NTRK2: variants seen among roughly 807,000 people sequenced by gnomAD.
NTRK2 encodes the protein neurotrophic receptor tyrosine kinase 2, also known as BDNF/NT-3 growth factors receptor.
A neutral mutation model predicts 94.5 loss-of-function variants in NTRK2; 13 were observed. That is an observed-to-expected ratio of 0.14 (90% CI 0.09 to 0.22). The LOEUF (loss-of-function observed/expected upper bound fraction) is 0.22, where lower values mean the gene tolerates loss of function less well. NTRK2 is among the 10% of genes least tolerant of loss of function. NTRK2 has a pLI of 1.00. For missense variants in NTRK2, 639 were observed against 1,071.2 expected (o/e 0.60, Z 5.63); for synonymous variants, 372 against 407.4 (o/e 0.91, Z 1.05).
chr9:84,705,451 G>A (rs2060988806), intron 4 of NTRK2, among the ~76,000 whole-genome samples: 2 of 152,024 alleles, frequency 1.3e-5, no homozygotes, highest in Non-Finnish European at 2.9e-5. Context: ...TTTGGCTTTT[G>A]GCCCCAATAA....
intron 14 of NTRK2, among the ~76,000 whole-genome samples, chr9:84,897,497 T>C (rs11791891): frequency 0.062 from 9,441 of 152,264 alleles, 336 homozygotes; most frequent in Admixed American, 0.097. Context: ...GTGGTGTTGC[T>C]GTGACATTTT....
chr9:84,725,969 T>C (rs1484637175), intron 8 of NTRK2, among the ~76,000 whole-genome samples: 1 of 152,184 alleles, frequency 6.6e-6, no homozygotes, highest in Non-Finnish European at 1.5e-5. Flanking sequence ...GAAAGTGAAT[T>C]GGGTCCTTTT....
chr9:84,814,936 G>A (rs2072227754), intron 12 of NTRK2: 1 of 1,059,984 alleles, frequency 9.4e-7, no homozygotes, highest in East Asian at 5.1e-5. Context: ...TCACATGCCT[G>A]TAGTACCTGC....
intron 17 of NTRK2, among the ~76,000 whole-genome samples, chr9:84,956,958 T>TG (rs1036480293): frequency 1.8e-4 from 27 of 152,098 alleles, no homozygotes; most frequent in Admixed American, 7.9e-4. Flanking sequence ...TTGCAGGAGA[T>TG]GGGGGCACAC....
At chr9:84,836,230 CA>C in intron 12 of NTRK2, among the ~76,000 whole-genome samples, 1 of 152,080 alleles carries the variant, frequency 6.6e-6, no homozygotes, top group East Asian at 1.9e-4. Context: ...TGATATGGGG[CA>C]AAAAAATCAC....
chr9:84,834,651 G>A (rs189483329), intron 12 of NTRK2, among the ~76,000 whole-genome samples: 13 of 152,052 alleles, frequency 8.5e-5, no homozygotes, highest in African/African-American at 2.2e-4. Context: ...TTCCTGGCTC[G>A]GGTTACTACC....
intron 17 of NTRK2, among the ~76,000 whole-genome samples, chr9:84,982,820 A>T (rs975673508): frequency 6.6e-6 from 1 of 152,218 alleles, no homozygotes; most frequent in Non-Finnish European, 1.5e-5. Flanking sequence ...CAAAGATATG[A>T]TATATCCCAA....
At chr9:84,918,661 A>G (rs2077469375) in intron 14 of NTRK2, among the ~76,000 whole-genome samples, 1 of 152,236 alleles carries the variant, frequency 6.6e-6, no homozygotes, top group Non-Finnish European at 1.5e-5. Context: ...ATTTGGCAGC[A>G]TGGTTAAGGG....
chr9:84,991,951 C>A (rs941771123), intron 17 of NTRK2, among the ~76,000 whole-genome samples: 1 of 152,068 alleles, frequency 6.6e-6, no homozygotes, highest in African/African-American at 2.4e-5. Flanking sequence ...GCTGCCACCC[C>A]ACAACCAGTG....
intron 12 of NTRK2, among the ~76,000 whole-genome samples, chr9:84,828,957 T>G (rs529046790): frequency 6.6e-6 from 1 of 152,086 alleles, no homozygotes; most frequent in African/African-American, 2.4e-5. Context: ...GTTTTGTTTT[T>G]TTTTTAAAGA....
chr9:84,782,192 C>G (rs1293863307), intron 12 of NTRK2, among the ~76,000 whole-genome samples: 1 of 152,108 alleles, frequency 6.6e-6, no homozygotes, highest in Non-Finnish European at 1.5e-5. Context: ...ATCTCTGGTT[C>G]CATAGGGAAT....
At chr9:84,935,625 A>AGAGAGAG (rs1455358937) in intron 15 of NTRK2, among the ~76,000 whole-genome samples, 1 of 152,116 alleles carries the variant, frequency 6.6e-6, no homozygotes, top group African/African-American at 2.4e-5. Flanking sequence ...AGGGGGAGAG[A>AGAGAGAG]GAGAGAGGAG....
intron 12 of NTRK2, among the ~76,000 whole-genome samples, chr9:84,802,412 G>A (rs1289592088): frequency 6.6e-6 from 1 of 152,174 alleles, no homozygotes; most frequent in Non-Finnish European, 1.5e-5. Flanking sequence ...CAACATGAAG[G>A]AGTCGAGGAG....
At chr9:84,974,865 G>A (rs983928598) in intron 17 of NTRK2, among the ~76,000 whole-genome samples, 1 of 152,192 alleles carries the variant, frequency 6.6e-6, no homozygotes, top group Admixed American at 6.5e-5. Flanking sequence ...TGGGAGTTAA[G>A]GGGAGCAGGC....
chr9:84,926,262 C>T (rs1482697809), intron 14 of NTRK2, among the ~76,000 whole-genome samples: 5 of 148,420 alleles, frequency 3.4e-5, no homozygotes, highest in Non-Finnish European at 7.4e-5. Context: ...GATGGAGTTT[C>T]ACTCTTGTTG....
chr9:84,728,068 C>A, intron 9 of NTRK2, 109 bp downstream of exon 9: 1 of 994,672 alleles, frequency 1.0e-6, no homozygotes. Flanking sequence ...GCTTAAAACT[C>A]CATTATTTAG....
chr9:84,864,754 T>TTG (rs2075505705), intron 13 of NTRK2, among the ~76,000 whole-genome samples: 1 of 146,372 alleles, frequency 6.8e-6, no homozygotes, highest in African/African-American at 2.5e-5. Flanking sequence ...TTTTTTTTTT[T>TTG]TTTTGAAACT....
chr9:84,870,331 G>GTGTGTGTGTGTGTATATATATA (rs1349303529), intron 14 of NTRK2, among the ~76,000 whole-genome samples: 63 of 31,170 alleles, frequency 2.0e-3, no homozygotes, highest in East Asian at 0.011. Context: ...GTGTGTGTGT[G>GTGTGTGTGTGTGTATATATATA]TATATATATA....
intron 17 of NTRK2, among the ~76,000 whole-genome samples, chr9:85,007,667 GC>G (rs1331526515): frequency 6.6e-6 from 1 of 152,106 alleles, no homozygotes; most frequent in East Asian, 1.9e-4. Flanking sequence ...TATTCCATAA[GC>G]CCTTGACTGC....
Sources: gnomAD v4.1 joint callset for allele counts (sites outside exome capture counted in the v4.1 genomes callset) on GRCh38, gnomAD v4.1.1 for gene constraint, MANE v1.5 for transcripts, NCBI Gene and HGNC (gene_info 2026-07-23, HGNC 2026-07-21) for gene names.